GALNT17: variants seen among roughly 807,000 people sequenced by gnomAD.
GALNT17 encodes the protein polypeptide N-acetylgalactosaminyltransferase 17.
A neutral mutation model predicts 63.7 loss-of-function variants in GALNT17; 29 were observed. That is an observed-to-expected ratio of 0.46 (90% CI 0.34 to 0.62). GALNT17 has a LOEUF of 0.62. Ranked by LOEUF, GALNT17 falls within the 20% of genes least tolerant of loss-of-function variation. The pLI is 0.01. For synonymous variants in GALNT17, 305 were observed against 318.3 expected (o/e 0.96, Z 0.45); for missense variants, 603 against 799.6 (o/e 0.75, Z 2.97).
rs1790972784 is a variant in GALNT17, at chr7:71,665,564, C to G, written c.1234C>G (p.His412Asp). Residue 412 changes from histidine to aspartate, a missense_variant, in exon 7 of 11, where the codon CAT becomes GAT. His to Asp is a moderately conservative substitution (Grantham distance 81). This residue lies in a region of GALNT17 where 336 missense variants were observed against 507.8 expected (regional missense o/e 0.66). Coordinates refer to ENST00000333538, the MANE Select transcript of GALNT17 (RefSeq NM_022479.3). ...AEVWMDDYKS[H>D]VYIAWNLPLE... Reference sequence around the variant, plus strand: ...GGTCTGGATGGACGATTACAAGTCTCATGTGTACATAGCGTGGAACCTGCC... The same window carrying G: ...GGTCTGGATGGACGATTACAAGTCTGATGTGTACATAGCGTGGAACCTGCC... 6.2e-7 allele frequency: 1 copy of G among 1,614,032 alleles called. No individual in the cohort carries two copies.
In GALNT17 at chr7:71,694,556, C is replaced by T. The variant is rs114630293; in HGVS notation, c.1501-16205C>T. 6.3e-3 allele frequency among the ~76,000 whole-genome samples: 951 copies of T among 152,094 alleles called. 9 individuals are homozygous for T. Among genetic ancestry groups the T allele is most frequent in the African/African-American group, 0.021 (883 of 41,524 alleles). ...GATTACAGATGTGCACCACCACGTT[C>T]AGTTAATGTTCGTATTTTTAGTAGA... is the stretch of plus-strand genomic sequence containing the variant. On this transcript the variant is annotated intron_variant, in intron 9 of 10. Coordinates refer to ENST00000333538, the MANE Select transcript of GALNT17 (RefSeq NM_022479.3).
rs6973523 is a variant in GALNT17 at position 71,145,536 on chromosome 7, G to A, written c.238+12496G>A. On this transcript the variant is annotated intron_variant, in intron 1 of 10. Transcript: ENST00000333538. ...CATCACAATAAATAGATAAAAAATA[G>A]GGTCTACATGATTCTAGGACAATTG... Among the ~76,000 whole-genome samples, 776 of 152,152 alleles carry A rather than the reference G, an allele frequency of 5.1e-3. 3 individuals carry two copies. Among genetic ancestry groups the A allele is most frequent in the Middle Eastern group, 0.02 (6 of 294 alleles).
At chr7:71,417,440 T>C (rs982627681) in intron 4 of GALNT17, among the ~76,000 whole-genome samples, 1 of 152,138 alleles carries the variant, frequency 6.6e-6, no homozygotes, top group Non-Finnish European at 1.5e-5. Flanking sequence ...CTGCATGTCT[T>C]CAGCCCTCAT....
At chr7:71,564,176 G>A (rs1789299955) in intron 5 of GALNT17, among the ~76,000 whole-genome samples, 2 of 152,112 alleles carry the variant, frequency 1.3e-5, no homozygotes, top group African/African-American at 4.8e-5. Flanking sequence ...AGGGTCACCT[G>A]CTGGGGCCAG....
At chr7:71,317,074 G>A (rs930145373) in intron 1 of GALNT17, among the ~76,000 whole-genome samples, 9 of 152,146 alleles carry the variant, frequency 5.9e-5, no homozygotes, top group South Asian at 2.1e-4. Flanking sequence ...TGCGGCCTCC[G>A]GCTTGAGCTG....
chr7:71,489,100 G>C (rs1385410809), intron 5 of GALNT17, among the ~76,000 whole-genome samples: 2 of 151,224 alleles, frequency 1.3e-5, no homozygotes, highest in Admixed American at 1.3e-4. Flanking sequence ...CACTATGTTG[G>C]TCAGGCTGGT....
At chr7:71,475,830 A>C (rs1193835276) in intron 5 of GALNT17, among the ~76,000 whole-genome samples, 2 of 152,178 alleles carry the variant, frequency 1.3e-5, no homozygotes, top group East Asian at 3.8e-4. Flanking sequence ...GATACTCAGC[A>C]CCTCACTTAA....
chr7:71,467,454 G>A lies in GALNT17; in HGVS notation c.962+46349G>A, dbSNP rs373848729. ...AACATGACTATTTAAAAACAATTGG[G>A]CTACTTCAGGGGAGTGGGGCAAAGT... is the stretch of plus-strand genomic sequence containing the variant. On this transcript the variant is annotated intron_variant, in intron 5 of 10. Coordinates refer to ENST00000333538, the MANE Select transcript of GALNT17 (RefSeq NM_022479.3). Among the ~76,000 whole-genome samples, 9 of 152,266 alleles carry A rather than the reference G, an allele frequency of 5.9e-5. No individual in the cohort carries two copies. The East Asian group carries it at 1.7e-3, about 29-fold the overall frequency.
At chr7:71,433,851 G>C (rs868304833) in intron 5 of GALNT17, among the ~76,000 whole-genome samples, 5 of 152,216 alleles carry the variant, frequency 3.3e-5, no homozygotes, top group Admixed American at 2.0e-4. Flanking sequence ...TATTGTCAAA[G>C]GAGATTAACA....
intron 5 of GALNT17, among the ~76,000 whole-genome samples, chr7:71,531,854 A>C (rs1160860779): frequency 2.6e-5 from 4 of 152,180 alleles, no homozygotes; most frequent in African/African-American, 7.2e-5. Flanking sequence ...TAGGATATTG[A>C]TTGGTTACAC....
At chr7:71,376,441 T>G (rs992582596) in intron 2 of GALNT17, among the ~76,000 whole-genome samples, 4 of 145,242 alleles carry the variant, frequency 2.8e-5, no homozygotes, top group African/African-American at 7.7e-5. Flanking sequence ...TTTTTTTTTT[T>G]TTTTTTTTTT....
intron 1 of GALNT17, among the ~76,000 whole-genome samples, chr7:71,256,732 G>T (rs1317246898): frequency 1.3e-5 from 2 of 152,198 alleles, no homozygotes; most frequent in Non-Finnish European, 2.9e-5. Flanking sequence ...TACAGATTTT[G>T]ACTTTTTTCA....
At chr7:71,152,072 G>T (rs1223507283) in intron 1 of GALNT17, among the ~76,000 whole-genome samples, 1 of 152,040 alleles carries the variant, frequency 6.6e-6, no homozygotes, top group South Asian at 2.1e-4. Context: ...CTAATTTGCC[G>T]TGTCGTTCTA....
chr7:71,508,777 C>G (rs893059917), intron 5 of GALNT17, among the ~76,000 whole-genome samples: 1 of 152,124 alleles, frequency 6.6e-6, no homozygotes, highest in Non-Finnish European at 1.5e-5. Context: ...TGTTCCTTCC[C>G]CAGTGACAGA....
chr7:71,259,977 G>A (rs1790357588), intron 1 of GALNT17, among the ~76,000 whole-genome samples: 2 of 152,096 alleles, frequency 1.3e-5, no homozygotes, highest in South Asian at 4.1e-4. Flanking sequence ...TCTATTAAGG[G>A]AGCAGAGAGG....
chr7:71,314,100 A>T (rs1028884709), intron 1 of GALNT17, among the ~76,000 whole-genome samples: 3 of 152,230 alleles, frequency 2.0e-5, no homozygotes, highest in Non-Finnish European at 4.4e-5. Flanking sequence ...TCATTCTTGT[A>T]GAGAACAGTG....
intron 3 of GALNT17, among the ~76,000 whole-genome samples, chr7:71,406,062 C>T (rs1427261180): frequency 6.6e-6 from 1 of 152,182 alleles, no homozygotes; most frequent in African/African-American, 2.4e-5. Context: ...GTTTCCAAGA[C>T]AGCCCATTCA....
intron 1 of GALNT17, among the ~76,000 whole-genome samples, chr7:71,221,182 G>A (rs1468397455): frequency 1.3e-5 from 2 of 152,084 alleles, no homozygotes; most frequent in African/African-American, 2.4e-5. Flanking sequence ...CAGCTGTCTG[G>A]GTGGAATTGG....
intron 6 of GALNT17, among the ~76,000 whole-genome samples, chr7:71,623,787 C>T (rs1165903345): frequency 6.6e-6 from 1 of 152,166 alleles, no homozygotes; most frequent in African/African-American, 2.4e-5. Context: ...AAGCATCAGC[C>T]ATGGTGTGCA....
Sources: gnomAD v4.1 joint callset for allele counts (sites outside exome capture counted in the v4.1 genomes callset) on GRCh38, gnomAD v4.1.1 for gene constraint, gnomAD v4.1.1 regional missense constraint, MANE v1.5 for transcripts, NCBI Gene and HGNC (gene_info 2026-07-23, HGNC 2026-07-21) for gene names.